The following ALCAM variants were observed in gnomAD, a reference collection of about 807,000 sequenced individuals.
ALCAM encodes CD166 antigen.
In ALCAM, 30 loss-of-function variants were observed where a neutral mutation model predicts 70.9. The ratio of observed to expected loss-of-function variants is 0.42; its 90% confidence interval spans 0.32 to 0.57. ALCAM has a LOEUF of 0.57. Among genes scored for constraint, ALCAM ranks in the 20% least tolerant of loss-of-function variants. The pLI is 0.11. For missense variants in ALCAM, 591 were observed against 695.1 expected, an observed-to-expected ratio of 0.85 and a Z score of 1.68; for synonymous variants, 249 against 242.5, an observed-to-expected ratio of 1.03 and a Z score of -0.25.
chr3:105,412,847 A>G (rs1020893935), intron 1 of ALCAM, among the ~76,000 whole-genome samples: 4 of 152,134 alleles, frequency 2.6e-5, no homozygotes, highest in African/African-American at 7.2e-5. Flanking sequence ...CAAAATAAGA[A>G]CTGATGGGTG....
At chr3:105,554,013 T>TTCTC (rs1196322627) in intron 14 of ALCAM, among the ~76,000 whole-genome samples, 3 of 151,876 alleles carry the variant, frequency 2.0e-5, no homozygotes, top group African/African-American at 7.2e-5. Flanking sequence ...ATCTTGGCCT[T>TTCTC]TCTCTCCTTA....
chr3:105,483,841 T>C (rs1165812265), intron 1 of ALCAM, among the ~76,000 whole-genome samples: 2 of 152,082 alleles, frequency 1.3e-5, no homozygotes, highest in Non-Finnish European at 2.9e-5. Context: ...CTACACCTAA[T>C]AATGAACAAT....
intron 2 of ALCAM, among the ~76,000 whole-genome samples, chr3:105,521,651 GTGT>G (rs1939548279): frequency 6.6e-6 from 1 of 152,168 alleles, no homozygotes; most frequent in African/African-American, 2.4e-5. Context: ...CTTCCTCATA[GTGT>G]TGTTGTCAGA....
intron 1 of ALCAM, among the ~76,000 whole-genome samples, chr3:105,418,267 T>C (rs890852352): frequency 1.3e-5 from 2 of 151,928 alleles, no homozygotes; most frequent in African/African-American, 4.8e-5. Flanking sequence ...TTTAGGAATA[T>C]TAAAATGCAA....
intron 2 of ALCAM, among the ~76,000 whole-genome samples, chr3:105,521,919 G>A (rs988033138): frequency 6.6e-6 from 1 of 152,212 alleles, no homozygotes; most frequent in Non-Finnish European, 1.5e-5. Flanking sequence ...GAAATGTGAA[G>A]TTAAGGCCTC....
intron 1 of ALCAM, among the ~76,000 whole-genome samples, chr3:105,501,165 C>T (rs924639712): frequency 3.9e-5 from 6 of 152,060 alleles, no homozygotes; most frequent in Admixed American, 1.3e-4. Flanking sequence ...TGCACAAATG[C>T]GGGCTGTTAT....
chr3:105,377,454 A>G (rs541190719), intron 1 of ALCAM, among the ~76,000 whole-genome samples: 1 of 152,204 alleles, frequency 6.6e-6, no homozygotes, highest in Non-Finnish European at 1.5e-5. Context: ...AAAAATCCCA[A>G]CAAAAGTAAG....
intron 14 of ALCAM, among the ~76,000 whole-genome samples, chr3:105,557,699 T>G (rs576932691): frequency 1.3e-5 from 2 of 152,250 alleles, no homozygotes; most frequent in Admixed American, 1.3e-4. Flanking sequence ...TCATGCACAT[T>G]CAGTACAGTT....
At chr3:105,526,133 C>T (rs1454435067) in intron 3 of ALCAM, among the ~76,000 whole-genome samples, 3 of 151,976 alleles carry the variant, frequency 2.0e-5, no homozygotes, top group African/African-American at 7.3e-5. Context: ...TCACAGCACT[C>T]TAATGGTTAT....
chr3:105,451,240 A>G (rs1450724735), intron 1 of ALCAM, among the ~76,000 whole-genome samples: 1 of 151,894 alleles, frequency 6.6e-6, no homozygotes, highest in Non-Finnish European at 1.5e-5. Context: ...CTTGAAAGAA[A>G]AATAAAGCAA....
chr3:105,547,548 T>C, intron 11 of ALCAM, 25 bp downstream of exon 11: 3 of 1,600,522 alleles, frequency 1.9e-6, no homozygotes, highest in Non-Finnish European at 2.6e-6. Context: ...TCTTGTTATA[T>C]GCTGCACTTC....
At position 105,535,857 on chromosome 3, in the gene ALCAM, G is replaced by C. The variant is rs141120810; in HGVS notation, c.730+1012G>C. On this transcript the variant is annotated intron_variant, in intron 6 of 15. Transcript: ENST00000306107. ...TAGAGAAAAGCCAGGAATGCCTGCT[G>C]AGCCTTTCGAAAGAATCACCTCACC... is the stretch of plus-strand genomic sequence containing the variant. Among the ~76,000 whole-genome samples, 612 of 152,146 alleles carry C rather than the reference G, an allele frequency of 4.0e-3. 6 individuals carry two copies. The highest frequency in any genetic ancestry group is 0.014 in the African/African-American group (577 of 41,536).
At position 105,575,598 on chromosome 3, in the gene ALCAM, G is replaced by C. The variant is rs1231921673; in HGVS notation, c.*1147G>C. On this transcript the variant is annotated 3_prime_UTR_variant, in exon 16 of 16. Coordinates refer to ENST00000306107, the MANE Select transcript of ALCAM (RefSeq NM_001627.4). ...ATAATAAAATGTCTATGTATCTTTA[G>C]TTACATTCAAATTTGTAACTTTATA... is the stretch of plus-strand genomic sequence containing the variant. The C allele has an allele frequency of 6.6e-6, 1 of 152,430 alleles. No individual in the cohort carries two copies. Among genetic ancestry groups the C allele is most frequent in the Non-Finnish European group, 1.5e-5 (1 of 67,998 alleles). The allele number at this position is 152,430 out of a possible 1,614,324, so 9.4% of individuals were successfully genotyped here. A position where few individuals can be genotyped will look rare whatever the true frequency, so the allele number is the denominator to read the frequency against.
At chr3:105,429,430 A>G (rs1214777453) in intron 1 of ALCAM, among the ~76,000 whole-genome samples, 1 of 152,036 alleles carries the variant, frequency 6.6e-6, no homozygotes, top group Admixed American at 6.6e-5. Flanking sequence ...GAACATTTAT[A>G]GTATCAAATT....
intron 1 of ALCAM, among the ~76,000 whole-genome samples, chr3:105,447,586 G>A (rs978045731): frequency 6.6e-6 from 1 of 152,140 alleles, no homozygotes; most frequent in African/African-American, 2.4e-5. Context: ...TGCATCTGGG[G>A]TGCTACCACC....
At chr3:105,552,023 G>A in intron 12 of ALCAM, 121 bp from the exon 13 acceptor site, 1 of 528,090 alleles carries the variant, frequency 1.9e-6, no homozygotes, top group East Asian at 3.5e-5. Flanking sequence ...TTTTTTTACT[G>A]TTAGCTATAG....
intron 1 of ALCAM, among the ~76,000 whole-genome samples, chr3:105,491,540 T>C (rs952430507): frequency 6.6e-5 from 10 of 152,322 alleles, no homozygotes; most frequent in Non-Finnish European, 1.2e-4. Context: ...TCTTTGTGAA[T>C]ACATAAAACA....
At chr3:105,387,241 C>T (rs775890818) in intron 1 of ALCAM, among the ~76,000 whole-genome samples, 1 of 151,538 alleles carries the variant, frequency 6.6e-6, no homozygotes, top group Admixed American at 6.6e-5. Context: ...CCCTCACACA[C>T]ACACACACAC....
intron 1 of ALCAM, among the ~76,000 whole-genome samples, chr3:105,416,177 C>CT (rs1288559928): frequency 1.3e-5 from 2 of 152,024 alleles, no homozygotes; most frequent in African/African-American, 4.8e-5. Flanking sequence ...AAGGATAAGA[C>CT]TCTCCTTATC....
Sources: gnomAD v4.1 joint callset for allele counts (sites outside exome capture counted in the v4.1 genomes callset) on GRCh38, gnomAD v4.1.1 for gene constraint, MANE v1.5 for transcripts, NCBI Gene and HGNC (gene_info 2026-07-23, HGNC 2026-07-21) for gene names.